Variants in C3orf85 observed in about 807,000 individuals in gnomAD.
The protein encoded by C3orf85 is uncharacterized protein C3orf85.
A neutral mutation model predicts 1.7 loss-of-function variants in C3orf85; 1 was observed. The ratio of observed to expected loss-of-function variants is 0.60; its 90% confidence interval spans 0.21 to 2.86. The LOEUF is 2.86. Ranked by LOEUF, C3orf85 falls within the 30% of genes most tolerant of loss-of-function variation. The pLI, the probability that C3orf85 is intolerant of heterozygous loss-of-function variation, is 0.22. For synonymous variants in C3orf85, 17 were observed against 8.0 expected, an observed-to-expected ratio of 2.13 and a Z score of -1.90; for missense variants, 29 against 21.3, an observed-to-expected ratio of 1.36 and a Z score of -0.72.
Position 109,149,202 on chromosome 3 carries a change from A to G in C3orf85, c.184-603A>G, listed in dbSNP as rs1706837815. 8 of 152,210 alleles carry G rather than the reference A, an allele frequency of 5.3e-5. No individual in the cohort carries two copies. In the South Asian group the frequency reaches 1.7e-3, roughly 32 times the overall value. 9.4% of individuals were successfully genotyped at this position (152,210 alleles called of 1,614,324 possible). A position where few individuals can be genotyped will look rare whatever the true frequency, so the allele number is the denominator to read the frequency against. On this transcript the variant is annotated intron_variant, in intron 3 of 3. Coordinates refer to ENST00000622536, the MANE Select transcript of C3orf85 (RefSeq NM_001351622.2). ...ACTTATTCTTTCTTTCTTTCCACAT[A>G]TCTCAGGATCTGATTATCATCAGGC...
At chr3:109,144,089 C>T (rs960406494) in intron 2 of C3orf85, among the ~76,000 whole-genome samples, 1 of 152,064 alleles carries the variant, frequency 6.6e-6, no homozygotes, top group African/African-American at 2.4e-5. Context: ...AGGCATTAAC[C>T]TGGTTGATAT....
chr3:109,138,940 T>C (rs551592771), intron 2 of C3orf85, among the ~76,000 whole-genome samples: 2 of 152,224 alleles, frequency 1.3e-5, no homozygotes, highest in Non-Finnish European at 2.9e-5. Flanking sequence ...TTTAATTGCC[T>C]TCTTCTATAA....
chr3:109,147,074 A>G lies in C3orf85; in HGVS notation c.50-1179A>G, dbSNP rs527768599. Among the ~76,000 whole-genome samples, 8 of 152,158 alleles carry G rather than the reference A, an allele frequency of 5.3e-5. No homozygotes were observed. In the East Asian group the frequency reaches 1.2e-3, roughly 22 times the overall value. ...TGAAACACATCATTCCTCTGGCTTA[A>G]ATTTTTTAAAAAATGTTTCTCCTTC... On this transcript the variant is annotated intron_variant, in intron 2 of 3. Coordinates refer to ENST00000622536, the MANE Select transcript of C3orf85 (RefSeq NM_001351622.2).
At position 109,149,959 on chromosome 3, in the gene C3orf85, A is replaced by G. The variant is rs1357861195; in HGVS notation, c.*65A>G. The G allele has an allele frequency of 2.5e-6, 1 of 396,912 alleles. No homozygotes were observed. Among genetic ancestry groups the G allele is most frequent in the African/African-American group, 2.1e-5 (1 of 48,550 alleles). 24.6% of individuals were successfully genotyped at this position (396,912 alleles called of 1,614,324 possible). A position where few individuals can be genotyped will look rare whatever the true frequency, so the allele number is the denominator to read the frequency against. ...GAGGTTGGAATGGCATTGTGCCAAAACCATGGGTTTTAGAGATCTGAGGGT... is the reference window on the plus strand; with the variant it reads ...GAGGTTGGAATGGCATTGTGCCAAAGCCATGGGTTTTAGAGATCTGAGGGT... On this transcript the variant is annotated 3_prime_UTR_variant, in exon 4 of 4. Coordinates refer to ENST00000622536, the MANE Select transcript of C3orf85 (RefSeq NM_001351622.2).
rs1307421396 is a variant in C3orf85, at chr3:109,136,892, T to C, written c.45T>C (p.Leu15=). 19 of 423,120 alleles carry C rather than the reference T, an allele frequency of 4.5e-5. No homozygotes were observed. The highest frequency in any genetic ancestry group is 3.5e-4 in the East Asian group (10 of 28,822). The allele number at this position is 423,120 out of a possible 1,614,324, so 26.2% of individuals were successfully genotyped here. ...MLQVVLCSTL[L]IGALGAPFLL... is the part of the protein sequence containing the mutation. ...AAGTAGTCCTGTGCTCAACATTGCTTATCGGTAAGAGCCTATTTCTTTTTT... is the reference window on the plus strand; with the variant it reads ...AAGTAGTCCTGTGCTCAACATTGCTCATCGGTAAGAGCCTATTTCTTTTTT... Residue 15 remains leucine, a synonymous_variant, in exon 2 of 4, where the codon CTT becomes CTC. Transcript: ENST00000622536.
intron 2 of C3orf85, among the ~76,000 whole-genome samples, chr3:109,146,870 T>G (rs796626221): frequency 3.3e-5 from 5 of 152,298 alleles, no homozygotes; most frequent in African/African-American, 1.2e-4. Context: ...GGAGCCACCT[T>G]AAAAGATGGT....
At chr3:109,142,973 T>C (rs966327110) in intron 2 of C3orf85, among the ~76,000 whole-genome samples, 10 of 152,270 alleles carry the variant, frequency 6.6e-5, no homozygotes, top group African/African-American at 2.4e-4. Flanking sequence ...TTATAACCAA[T>C]TGCAGGTTGC....
chr3:109,146,563 A>T (rs995522117), intron 2 of C3orf85, among the ~76,000 whole-genome samples: 1 of 152,132 alleles, frequency 6.6e-6, no homozygotes, highest in South Asian at 2.1e-4. Flanking sequence ...TGGAGCAAAA[A>T]CATCAGGTTC....
intron 2 of C3orf85, among the ~76,000 whole-genome samples, chr3:109,144,045 A>G (rs1706769447): frequency 6.6e-6 from 1 of 152,092 alleles, no homozygotes; most frequent in East Asian, 1.9e-4. Flanking sequence ...AGAGAAGGAT[A>G]TTTTTCATAG....
At chr3:109,148,003 A>AGC in intron 2 of C3orf85, among the ~76,000 whole-genome samples, 1 of 152,162 alleles carries the variant, frequency 6.6e-6, no homozygotes, top group Non-Finnish European at 1.5e-5. Flanking sequence ...GGAAGCTCTG[A>AGC]TATCCTGCTC....
At chr3:109,137,637 G>GTGTGTATA (rs751674362) in intron 2 of C3orf85, among the ~76,000 whole-genome samples, 155 of 79,886 alleles carry the variant, frequency 1.9e-3, no homozygotes, top group South Asian at 3.9e-3. Flanking sequence ...GTGTGTGTGT[G>GTGTGTATA]TATATATATA....
intron 2 of C3orf85, among the ~76,000 whole-genome samples, chr3:109,147,357 T>C (rs895851216): frequency 6.6e-5 from 10 of 152,148 alleles, no homozygotes; most frequent in African/African-American, 2.2e-4. Flanking sequence ...ATACAGAAGG[T>C]TGGTCAACAG....
intron 2 of C3orf85, among the ~76,000 whole-genome samples, 152 bp from the exon 3 acceptor site, chr3:109,148,101 A>C (rs2107836950): frequency 6.6e-6 from 1 of 152,312 alleles, no homozygotes; most frequent in East Asian, 1.9e-4. Flanking sequence ...AGGGCCAAGG[A>C]GTAGCTGTCT....
intron 2 of C3orf85, among the ~76,000 whole-genome samples, chr3:109,142,158 A>G (rs1706749421): frequency 1.3e-5 from 2 of 152,224 alleles, no homozygotes; most frequent in South Asian, 4.1e-4. Context: ...AAATTTTTAC[A>G]CCATTACTAA....
intron 2 of C3orf85, among the ~76,000 whole-genome samples, chr3:109,143,627 G>T (rs1183938133): frequency 6.6e-6 from 1 of 152,158 alleles, no homozygotes; most frequent in Admixed American, 6.5e-5. Flanking sequence ...CCGATAACAC[G>T]ATACCATGCA....
chr3:109,149,701 A>AT (rs1706846677), intron 3 of C3orf85, 104 bp from the exon 4 acceptor site: 2 of 394,298 alleles, frequency 5.1e-6, no homozygotes, highest in Admixed American at 8.8e-5. Flanking sequence ...CTTCCATTAT[A>AT]TTTTTCTCAT....
chr3:109,145,922 A>G (rs974207177), intron 2 of C3orf85, among the ~76,000 whole-genome samples: 14 of 152,178 alleles, frequency 9.2e-5, no homozygotes, highest in Non-Finnish European at 1.8e-4. Context: ...TTCAGCCTAG[A>G]ATACATGCGC....
intron 3 of C3orf85, 182 bp from the exon 4 acceptor site, chr3:109,149,623 A>T (rs1326033026): frequency 2.8e-6 from 1 of 362,074 alleles, no homozygotes; most frequent in African/African-American, 2.1e-5. Context: ...CAAATACTGT[A>T]AAATATCTGA....
At chr3:109,137,619 A>ATG (rs1207083894) in intron 2 of C3orf85, among the ~76,000 whole-genome samples, 2,394 of 106,752 alleles carry the variant, frequency 0.022, 63 homozygotes, top group Middle Eastern at 0.069. Context: ...AGATGTATAT[A>ATG]TGTGTGTGTG....
Sources: gnomAD v4.1 joint callset for allele counts (sites outside exome capture counted in the v4.1 genomes callset) on GRCh38, gnomAD v4.1.1 for gene constraint, MANE v1.5 for transcripts, NCBI Gene and HGNC (gene_info 2026-07-23, HGNC 2026-07-21) for gene names.